The following FBXW10B variants were observed in gnomAD, a reference collection of about 807,000 sequenced individuals.
The protein encoded by FBXW10B is F-box and WD repeat domain containing 10B, also known as F-box and WD repeat domain containing protein 10B.
chr17:15,587,460 G>A, the FBXW10B span, among the ~76,000 whole-genome samples: 1 of 151,570 alleles, frequency 6.6e-6, no homozygotes, highest in Non-Finnish European at 1.5e-5. Flanking sequence ...TGCAGGCCAG[G>A]TAGGAAAGAG....
chr17:15,581,016 G>A, the FBXW10B span, among the ~76,000 whole-genome samples: 3 of 152,162 alleles, frequency 2.0e-5, no homozygotes, highest in African/African-American at 4.8e-5. Flanking sequence ...TAAACAAGTA[G>A]AAACCCGCCT....
chr17:15,598,560 T>C, the FBXW10B span: 26 of 1,613,820 alleles, frequency 1.6e-5, no homozygotes, highest in South Asian at 2.9e-4. Flanking sequence ...TTCCTCCAGA[T>C]ACGAGCCTGT....
chr17:15,583,752 G>A, the FBXW10B span, among the ~76,000 whole-genome samples: 2 of 151,974 alleles, frequency 1.3e-5, no homozygotes, highest in Non-Finnish European at 1.5e-5. Context: ...GCCAACAAAT[G>A]AGCCTGAGTA....
the FBXW10B span, chr17:15,565,869 G>A: frequency 1.2e-6 from 2 of 1,611,690 alleles, no homozygotes; most frequent in Non-Finnish European, 1.7e-6. Context: ...TACTGGTCAG[G>A]GGACCCGTAC....
the FBXW10B span, chr17:15,588,709 G>A: frequency 1.5e-6 from 1 of 680,304 alleles, no homozygotes; most frequent in South Asian, 1.8e-5. Context: ...TCATAAAGAG[G>A]ATTCCCCATA....
At chr17:15,604,564 T>C in the FBXW10B span, among the ~76,000 whole-genome samples, 1 of 152,178 alleles carries the variant, frequency 6.6e-6, no homozygotes, top group Non-Finnish European at 1.5e-5. Context: ...AGATGGAGTC[T>C]TGCTGTGTCG....
the FBXW10B span, among the ~76,000 whole-genome samples, chr17:15,583,607 C>T: frequency 2.0e-5 from 3 of 150,458 alleles, no homozygotes; most frequent in Non-Finnish European, 2.9e-5. Flanking sequence ...GAAGCTCCTC[C>T]CAGGTGATTG....
the FBXW10B span, among the ~76,000 whole-genome samples, chr17:15,601,980 C>T: frequency 2.6e-5 from 4 of 151,616 alleles, no homozygotes; most frequent in East Asian, 1.9e-4. Context: ...GGCATGGTGG[C>T]GGGTGCCTGT....
At chr17:15,581,622 A>T in the FBXW10B span, among the ~76,000 whole-genome samples, 1 of 151,206 alleles carries the variant, frequency 6.6e-6, no homozygotes, top group African/African-American at 2.4e-5. Flanking sequence ...AAAGTGGATG[A>T]CCTAACCAGG....
chr17:15,590,636 T>G, the FBXW10B span, among the ~76,000 whole-genome samples: 8 of 149,928 alleles, frequency 5.3e-5, no homozygotes, highest in Admixed American at 2.0e-4. Context: ...CTCACCTGAC[T>G]TGACCCCAAT....
chr17:15,614,147 C>A, the FBXW10B span: 3 of 1,276,396 alleles, frequency 2.4e-6, no homozygotes, highest in African/African-American at 1.6e-5. Flanking sequence ...CAGACTCTAA[C>A]CTTAGGCCAC....
chr17:15,596,245 G>A, the FBXW10B span, among the ~76,000 whole-genome samples: 3 of 151,924 alleles, frequency 2.0e-5, no homozygotes, highest in African/African-American at 4.8e-5. Context: ...CTGTTAGAAG[G>A]CCCTGAGCCC....
the FBXW10B span, chr17:15,619,589 G>C: frequency 1.3e-6 from 2 of 1,520,504 alleles, no homozygotes; most frequent in South Asian, 2.6e-5. Context: ...GGAACGGGGG[G>C]AAATGAATAA....
chr17:15,609,907 G>C, the FBXW10B span, among the ~76,000 whole-genome samples: 1 of 142,090 alleles, frequency 7.0e-6, no homozygotes, highest in Non-Finnish European at 1.5e-5. Context: ...GCCCAGGCTG[G>C]AGTGGTGCAG....
At chr17:15,593,396 C>T in the FBXW10B span, 1 of 1,614,070 alleles carries the variant, frequency 6.2e-7, no homozygotes, top group African/African-American at 1.3e-5. Context: ...CTTTTATCAC[C>T]TTCATACAGT....
chr17:15,594,071 T>C, the FBXW10B span, among the ~76,000 whole-genome samples: 1 of 152,268 alleles, frequency 6.6e-6, no homozygotes, highest in African/African-American at 2.4e-5. Context: ...AATCTTTTTT[T>C]TTTATCTAAC....
chr17:15,618,496 G>A, the FBXW10B span, among the ~76,000 whole-genome samples: 3 of 151,366 alleles, frequency 2.0e-5, no homozygotes, highest in Non-Finnish European at 4.4e-5. Flanking sequence ...CTCCAGCCTT[G>A]GAGAAACTCT....
At chr17:15,611,507 G>C in the FBXW10B span, among the ~76,000 whole-genome samples, 1 of 152,146 alleles carries the variant, frequency 6.6e-6, no homozygotes, top group Non-Finnish European at 1.5e-5. Flanking sequence ...CTGATGAGCA[G>C]CTGGCCCTTC....
chr17:15,592,522 C>T, the FBXW10B span, among the ~76,000 whole-genome samples: 116 of 152,096 alleles, frequency 7.6e-4, no homozygotes, highest in African/African-American at 2.7e-3. Context: ...CCTGAGTCTA[C>T]GCATATATAA....
Sources: allele counts gnomAD v4.1 joint callset (sites outside exome capture counted in the v4.1 genomes callset), GRCh38; gene constraint gnomAD v4.1.1; transcripts MANE v1.5; gene names NCBI Gene and HGNC (gene_info 2026-07-23, HGNC 2026-07-21).